Variants in PTK2 observed in about 807,000 individuals in gnomAD.
PTK2 encodes the protein protein tyrosine kinase 2, also known as focal adhesion kinase 1.
In PTK2, 45 loss-of-function variants were observed where a neutral mutation model predicts 150.1. The observed-to-expected ratio is 0.30, with a 90% CI of 0.24 to 0.38. The LOEUF (loss-of-function observed/expected upper bound fraction) is 0.38, where lower values mean the gene tolerates loss of function less well. Ranked by LOEUF, PTK2 falls within the 10% of genes least tolerant of loss-of-function variation. The probability of loss-of-function intolerance (pLI) is 1.00; values close to 1 mark genes in which losing one functional copy is unlikely to be tolerated. For missense variants in PTK2, 919 were observed against 1,307.3 expected, an observed-to-expected ratio of 0.70 and a Z score of 4.58; for synonymous variants, 432 against 449.2, an observed-to-expected ratio of 0.96 and a Z score of 0.48.
At chr8:140,727,273 A>G (rs1392823593) in intron 22 of PTK2, among the ~76,000 whole-genome samples, 1 of 152,234 alleles carries the variant, frequency 6.6e-6, no homozygotes, top group African/African-American at 2.4e-5. Flanking sequence ...GCAGCTAAGA[A>G]TAATTTTCAG....
At chr8:140,704,007 A>T (rs897853254) in intron 24 of PTK2, among the ~76,000 whole-genome samples, 6 of 152,234 alleles carry the variant, frequency 3.9e-5, no homozygotes, top group African/African-American at 1.4e-4. Context: ...TATGGACAAT[A>T]TGAAATTAAT....
intron 2 of PTK2, among the ~76,000 whole-genome samples, chr8:140,910,631 G>A (rs574328545): frequency 4.7e-4 from 71 of 152,158 alleles, no homozygotes; most frequent in African/African-American, 1.5e-3. Flanking sequence ...AGAATACAGC[G>A]AATGGGGATG....
chr8:140,864,894 T>C (rs1000997836), intron 4 of PTK2, among the ~76,000 whole-genome samples: 9 of 152,224 alleles, frequency 5.9e-5, no homozygotes, highest in African/African-American at 2.2e-4. Flanking sequence ...TTTATAAATG[T>C]CTTCTGGTAA....
At chr8:140,709,320 G>A (rs1167124890) in intron 23 of PTK2, among the ~76,000 whole-genome samples, 1 of 152,108 alleles carries the variant, frequency 6.6e-6, no homozygotes, top group African/African-American at 2.4e-5. Flanking sequence ...ATAACACAAG[G>A]TTCCATTTCA....
chr8:140,714,748 G>T (rs2100038651), intron 23 of PTK2, among the ~76,000 whole-genome samples: 1 of 125,400 alleles, frequency 8.0e-6, no homozygotes, highest in Non-Finnish European at 1.6e-5. Flanking sequence ...AATGAGCCAA[G>T]ATTGCGCCAC....
At chr8:140,793,505 A>C in intron 12 of PTK2, 121 bp from the exon 13 acceptor site, 3 of 1,031,900 alleles carry the variant, frequency 2.9e-6, no homozygotes, top group Non-Finnish European at 4.2e-6. Context: ...CCCTTTAAAG[A>C]AAGTTGCTAC....
At chr8:140,751,945 C>T (rs1406043480) in intron 17 of PTK2, 4 of 574,652 alleles carry the variant, frequency 7.0e-6, no homozygotes, top group Non-Finnish European at 1.3e-5. Context: ...ATTAGGATCA[C>T]TTATATATCT....
chr8:140,699,895 A>G (rs2100029216), intron 26 of PTK2, among the ~76,000 whole-genome samples: 1 of 152,038 alleles, frequency 6.6e-6, no homozygotes, highest in African/African-American at 2.4e-5. Flanking sequence ...TAAAATGAAG[A>G]TAATAAATGG....
At chr8:140,700,374 G>A (rs1333880942) in intron 26 of PTK2, among the ~76,000 whole-genome samples, 2 of 151,890 alleles carry the variant, frequency 1.3e-5, no homozygotes, top group East Asian at 3.9e-4. Flanking sequence ...GTCTTGCTGT[G>A]TTGCCCAGGC....
Position 140,682,503 on chromosome 8 carries a change from G to C in PTK2, c.2562+4129C>G, listed in dbSNP as rs553701667. ...GAGAAGTGATGTACATATTTCTTTA[G>C]GTCACAAAGAGTTTGGCTTATTACT... On this transcript the variant is annotated intron_variant, in intron 27 of 31. Transcript: ENST00000522684. Among the ~76,000 whole-genome samples, 3 of 151,074 alleles carry C rather than the reference G, an allele frequency of 2.0e-5. No individual in the cohort carries two copies. The East Asian group carries it at 5.8e-4, about 29-fold the overall frequency.
intron 1 of PTK2, among the ~76,000 whole-genome samples, chr8:140,930,001 T>G (rs999538292): frequency 6.6e-6 from 1 of 151,604 alleles, no homozygotes; most frequent in Non-Finnish European, 1.5e-5. Context: ...CCATAAGGAG[T>G]TGACAGACCA....
At chr8:140,716,779 TAAC>T (rs1366555513) in intron 23 of PTK2, among the ~76,000 whole-genome samples, 1 of 152,222 alleles carries the variant, frequency 6.6e-6, no homozygotes, top group African/African-American at 2.4e-5. Context: ...TGGTAGTTAA[TAAC>T]TACTAACTAC....
At chr8:140,898,878 G>T (rs1278679115) in intron 2 of PTK2, among the ~76,000 whole-genome samples, 1 of 152,144 alleles carries the variant, frequency 6.6e-6, no homozygotes, top group African/African-American at 2.4e-5. Context: ...CTCACTGTTA[G>T]AACATGAGAG....
At chr8:140,849,652 T>C (rs1010645956) in intron 5 of PTK2, among the ~76,000 whole-genome samples, 1 of 152,224 alleles carries the variant, frequency 6.6e-6, no homozygotes, top group African/African-American at 2.4e-5. Context: ...AAAAGATTGA[T>C]CAAAATGATA....
intron 22 of PTK2, among the ~76,000 whole-genome samples, chr8:140,722,030 T>C (rs992576747): frequency 3.3e-5 from 5 of 152,196 alleles, no homozygotes; most frequent in African/African-American, 9.6e-5. Flanking sequence ...TGAAACATAA[T>C]AGGAATTAAT....
In PTK2 at chr8:140,900,935, G is replaced by T. The variant is rs111899040; in HGVS notation, c.-32-10166C>A. On this transcript the variant is annotated intron_variant, in intron 2 of 31. Coordinates refer to ENST00000522684, the Ensembl canonical transcript of PTK2. ...CTAAAATTTATATGGAACCACAAAA[G>T]ACCCTGAATAGCCAAAGCAATCCTG... Among the ~76,000 whole-genome samples, 430 of 151,502 alleles carry T rather than the reference G, an allele frequency of 2.8e-3. 4 individuals carry two copies. The highest frequency in any genetic ancestry group is 0.021 in the Middle Eastern group (6 of 290).
chr8:140,768,460 A>G (rs74385407), intron 14 of PTK2, among the ~76,000 whole-genome samples: 2,566 of 152,338 alleles, frequency 0.017, 72 homozygotes, highest in African/African-American at 0.057. Context: ...CCTTTCCCAG[A>G]TGAAGACCCA....
chr8:140,818,236 T>C, intron 10 of PTK2, 41 bp downstream of exon 10: 1 of 1,522,330 alleles, frequency 6.6e-7, no homozygotes, highest in Non-Finnish European at 9.1e-7. Context: ...TGATTCTTCT[T>C]TGTGTAACGC....
intron 31 of PTK2, among the ~76,000 whole-genome samples, chr8:140,664,574 C>A (rs914218702): frequency 6.6e-6 from 1 of 152,236 alleles, no homozygotes; most frequent in Non-Finnish European, 1.5e-5. Context: ...CTTTTAGGTT[C>A]ATGGCACCAG....
Sources: gnomAD v4.1 joint callset for allele counts (sites outside exome capture counted in the v4.1 genomes callset) on GRCh38, gnomAD v4.1.1 for gene constraint, MANE v1.5 for transcripts, NCBI Gene and HGNC (gene_info 2026-07-23, HGNC 2026-07-21) for gene names.